The following TMC2 variants were observed in gnomAD, a reference collection of about 807,000 sequenced individuals.
The protein encoded by TMC2 is transmembrane channel like 2.
A neutral mutation model predicts 105.9 loss-of-function variants in TMC2; 102 were observed. The observed-to-expected ratio is 0.96, with a 90% CI of 0.82 to 1.14. TMC2 has a LOEUF of 1.14. TMC2 is among the 50% of genes most tolerant of loss of function. The pLI is 0.00. For missense variants in TMC2, 1,093 were observed against 1,134.3 expected, an observed-to-expected ratio of 0.96 and a Z score of 0.52; for synonymous variants, 402 against 422.8, an observed-to-expected ratio of 0.95 and a Z score of 0.60.
Position 2,594,822 on chromosome 20 carries a change from C to T in TMC2, c.934-3C>T. On this transcript the variant is annotated splice_polypyrimidine_tract_variant and splice_region_variant and intron_variant, in intron 8 of 19. Coordinates refer to ENST00000358864, the MANE Select transcript of TMC2 (RefSeq NM_080751.3). ...CAGAGCATTTGGCTTTGCTGTCCCC[C>T]AGGGCTATATCAAGTACTCTGCACT... The T allele has an allele frequency of 6.2e-7, 1 of 1,613,706 alleles. No individual in the cohort carries two copies.
chr20:2,622,581 T>C (rs1310229183), intron 16 of TMC2, among the ~76,000 whole-genome samples: 1 of 151,816 alleles, frequency 6.6e-6, no homozygotes, highest in African/African-American at 2.4e-5. Context: ...CTCTGGAGGC[T>C]GAGACAGGAG....
At chr20:2,538,890 T>G (rs997928962) in intron 2 of TMC2, among the ~76,000 whole-genome samples, 3 of 152,212 alleles carry the variant, frequency 2.0e-5, no homozygotes, top group African/African-American at 4.8e-5. Context: ...GGACCTGATA[T>G]TCTCATCCTT....
At chr20:2,595,405 C>G (rs1263772208) in intron 9 of TMC2, among the ~76,000 whole-genome samples, 2 of 152,198 alleles carry the variant, frequency 1.3e-5, no homozygotes, top group African/African-American at 4.8e-5. Flanking sequence ...AAAAACTCTT[C>G]TGCTCCTCCA....
At chr20:2,622,643 T>G (rs2086533566) in intron 16 of TMC2, among the ~76,000 whole-genome samples, 1 of 150,834 alleles carries the variant, frequency 6.6e-6, no homozygotes, top group Non-Finnish European at 1.5e-5. Flanking sequence ...ATTGCACCAC[T>G]GCACTCCAGC....
intron 11 of TMC2, among the ~76,000 whole-genome samples, chr20:2,609,780 G>A (rs2086421353): frequency 6.6e-6 from 1 of 152,174 alleles, no homozygotes; most frequent in Non-Finnish European, 1.5e-5. Flanking sequence ...GTCAAGACCA[G>A]CCGAGAAGAG....
rs1464589823 is a variant in TMC2, at chr20:2,536,980, T to C, written c.35-289T>C. 2.6e-5 allele frequency among the ~76,000 whole-genome samples: 4 copies of C among 152,150 alleles called. No individual in the cohort carries two copies. In the East Asian group the frequency reaches 7.7e-4, roughly 29 times the overall value. On this transcript the variant is annotated intron_variant, in intron 1 of 19. Transcript: ENST00000358864. ...AGCCTGCTGGGGCGTCTCAGCCACC[T>C]ATTGTCTCGGTTAGGGTTGCCTGTT...
intron 10 of TMC2, among the ~76,000 whole-genome samples, chr20:2,599,595 T>C: frequency 7.3e-6 from 1 of 137,400 alleles, no homozygotes; most frequent in East Asian, 2.4e-4. Flanking sequence ...TGGAGTGCCA[T>C]GCCCAGTTAA....
chr20:2,590,135 T>C (rs974984931), intron 7 of TMC2, among the ~76,000 whole-genome samples: 9 of 152,262 alleles, frequency 5.9e-5, no homozygotes, highest in Admixed American at 3.9e-4. Flanking sequence ...AAAAGTGTAA[T>C]GTTGTATGAA....
At chr20:2,611,118 C>A (rs544682392) in intron 12 of TMC2, among the ~76,000 whole-genome samples, 3 of 152,272 alleles carry the variant, frequency 2.0e-5, no homozygotes, top group African/African-American at 7.2e-5. Context: ...AAGCCCAGGG[C>A]AGCATGGCAG....
At chr20:2,574,712 G>T (rs549811076) in intron 5 of TMC2, among the ~76,000 whole-genome samples, 1 of 151,828 alleles carries the variant, frequency 6.6e-6, no homozygotes, top group Admixed American at 6.6e-5. Flanking sequence ...TTTTATATCT[G>T]TTGGGTTTGA....
intron 17 of TMC2, among the ~76,000 whole-genome samples, chr20:2,628,131 G>A (rs1468301220): frequency 6.7e-6 from 1 of 149,794 alleles, no homozygotes; most frequent in East Asian, 2.0e-4. Context: ...TCATGCCACT[G>A]CACTCCAGCC....
chr20:2,597,366 C>A, intron 10 of TMC2, 68 bp downstream of exon 10: 2 of 1,482,582 alleles, frequency 1.3e-6, no homozygotes, highest in Non-Finnish European at 1.9e-6. Flanking sequence ...AGAGACTTCT[C>A]CCAGCTGGGA....
At chr20:2,564,441 C>T (rs570328861) in intron 4 of TMC2, among the ~76,000 whole-genome samples, 4 of 151,992 alleles carry the variant, frequency 2.6e-5, no homozygotes, top group East Asian at 3.9e-4. Context: ...TGAGCCACCG[C>T]GCCCGGCCCT....
Position 2,612,195 on chromosome 20 carries a change from C to A in TMC2, c.1598C>A (p.Ala533Asp), listed in dbSNP as rs199532232. ...CACCTCCATCTTCTGTTCTAGCTTG[C>A]TAATGAAGAGACAATAAAGAACATC... ...ALMDDVHLKL[A>D]NEETIKNITH... Residue 533 changes from alanine to aspartate, a missense_variant, in exon 13 of 20, where the codon GCT becomes GAT. Physicochemically the swap from Ala to Asp is moderately radical, Grantham distance 126. Coordinates refer to ENST00000358864, the MANE Select transcript of TMC2 (RefSeq NM_080751.3). 6.2e-7 allele frequency: 1 copy of A among 1,602,534 alleles called. No individual in the cohort carries two copies. Among genetic ancestry groups the A allele is most frequent in the Non-Finnish European group, 8.5e-7 (1 of 1,172,684 alleles).
At chr20:2,612,695 A>G (rs955651616) in intron 13 of TMC2, among the ~76,000 whole-genome samples, 1 of 152,098 alleles carries the variant, frequency 6.6e-6, no homozygotes, top group Non-Finnish European at 1.5e-5. Context: ...TTCTCTATAT[A>G]TCAAAAAAAA....
Position 2,610,581 on chromosome 20 carries a change from G to T in TMC2, c.1576G>T (p.Asp526Tyr), listed in dbSNP as rs1473630378. The stretch of plus-strand genomic sequence containing the variant: ...CTACACATTTCTCTTGGCCCTGATG[G>T]ATGACGTCCACCTCAAGGTAAAAAC... ...NLYTFLLALMDDVHLKLANEE... is the reference protein window; with the variant it reads ...NLYTFLLALMYDVHLKLANEE... The change falls in exon 12 of 20, where the codon GAT becomes TAT. Residue 526 changes from aspartate to tyrosine, a missense_variant. Transcript: ENST00000358864. 1 of 1,599,172 alleles carries T rather than the reference G, an allele frequency of 6.3e-7. No homozygotes were observed. Among genetic ancestry groups the T allele is most frequent in the Non-Finnish European group, 8.5e-7 (1 of 1,171,894 alleles).
intron 7 of TMC2, among the ~76,000 whole-genome samples, chr20:2,590,796 C>T (rs1473491508): frequency 6.6e-6 from 1 of 152,026 alleles, no homozygotes; most frequent in Admixed American, 6.6e-5. Flanking sequence ...ATCTAATAAA[C>T]AAGTATATTG....
At position 2,637,587 on chromosome 20, in the gene TMC2, G is replaced by C; in HGVS notation, c.2499G>C (p.Lys833Asn). 6.2e-7 allele frequency: 1 copy of C among 1,606,922 alleles called. No individual in the cohort carries two copies. The highest frequency in any genetic ancestry group is 8.5e-7 in the Non-Finnish European group (1 of 1,173,646). Residue 833 changes from lysine to asparagine, a missense_variant, in exon 19 of 20, where the codon AAG becomes AAC. By Grantham distance (94) the Lys-to-Asn change is moderately conservative. Transcript: ENST00000358864. ...SKNATQLQLTKEETTPPSASQ... is the reference protein window; with the variant it reads ...SKNATQLQLTNEETTPPSASQ... The stretch of plus-strand genomic sequence containing the variant: ...ATGCCACCCAGCTCCAACTCACCAA[G>C]GAAGGTAAGCTCTTTGTCATAATGA...
intron 11 of TMC2, 148 bp downstream of exon 11, chr20:2,602,449 A>C (rs1467511214): frequency 3.2e-6 from 2 of 620,202 alleles, no homozygotes; most frequent in Non-Finnish European, 5.1e-6. Context: ...AAATAGCATG[A>C]ATATCCTGAA....
Sources: gnomAD v4.1 joint callset for allele counts (sites outside exome capture counted in the v4.1 genomes callset) on GRCh38, gnomAD v4.1.1 for gene constraint, MANE v1.5 for transcripts, NCBI Gene and HGNC (gene_info 2026-07-23, HGNC 2026-07-21) for gene names.